Variants in SLC26A7 observed in about 807,000 individuals in gnomAD.
SLC26A7 encodes the protein anion exchange transporter.
SLC26A7 carries 59 observed loss-of-function variants against 82.5 expected under a neutral mutation model. That is an observed-to-expected ratio of 0.72 (90% confidence interval 0.58 to 0.89). The LOEUF (loss-of-function observed/expected upper bound fraction) is 0.89, where lower values mean the gene tolerates loss of function less well. Ranked by LOEUF, SLC26A7 falls within the 40% of genes least tolerant of loss-of-function variation. The probability of loss-of-function intolerance (pLI) is 0.00; values close to 1 mark genes in which losing one functional copy is unlikely to be tolerated. For missense variants in SLC26A7, 820 were observed against 793.0 expected, an observed-to-expected ratio of 1.03 and a Z score of -0.41; for synonymous variants, 271 against 274.3, an observed-to-expected ratio of 0.99 and a Z score of 0.12.
intron 5 of SLC26A7, among the ~76,000 whole-genome samples, chr8:91,320,391 A>G (rs1812758769): frequency 6.6e-6 from 1 of 152,148 alleles, no homozygotes; most frequent in African/African-American, 2.4e-5. Flanking sequence ...CTTTGTGTTG[A>G]TGGAAAATGG....
intron 3 of SLC26A7, among the ~76,000 whole-genome samples, chr8:91,290,167 A>T (rs1029162760): frequency 1.3e-5 from 2 of 152,220 alleles, no homozygotes; most frequent in Non-Finnish European, 2.9e-5. Flanking sequence ...TTAACTAAAA[A>T]TATCTATAGA....
chr8:91,231,971 G>C (rs1483962223), intron 2 of SLC26A7, among the ~76,000 whole-genome samples: 1 of 151,944 alleles, frequency 6.6e-6, no homozygotes, highest in Non-Finnish European at 1.5e-5. Flanking sequence ...TAGAATAGTA[G>C]GTATATGAAA....
chr8:91,270,014 T>A (rs1811225653), intron 2 of SLC26A7, among the ~76,000 whole-genome samples: 1 of 152,168 alleles, frequency 6.6e-6, no homozygotes, highest in East Asian at 1.9e-4. Context: ...TACTTTTTTG[T>A]GATTTTTCTA....
intron 2 of SLC26A7, among the ~76,000 whole-genome samples, chr8:91,239,164 A>G (rs1810432394): frequency 6.6e-6 from 1 of 151,956 alleles, no homozygotes; most frequent in Non-Finnish European, 1.5e-5. Context: ...AGGTCTGGAT[A>G]TCGAGACTAT....
At chr8:91,336,192 T>A (rs1356049710) in intron 6 of SLC26A7, among the ~76,000 whole-genome samples, 1 of 152,062 alleles carries the variant, frequency 6.6e-6, no homozygotes, top group Non-Finnish European at 1.5e-5. Context: ...AACCCCCTAC[T>A]CCCACAGAGC....
Position 91,393,989 on chromosome 8 carries a change from A to T in SLC26A7, c.1885A>T (p.Ile629Phe), listed in dbSNP as rs149495064. The T allele has an allele frequency of 6.2e-7, 1 of 1,613,286 alleles. No homozygotes were observed. The highest frequency in any genetic ancestry group is 8.5e-7 in the Non-Finnish European group (1 of 1,179,428). Residue 629 changes from isoleucine to phenylalanine, a missense_variant, in exon 18 of 19, where the codon ATT becomes TTT. Physicochemically the swap from Ile to Phe is conservative, Grantham distance 21 (BLOSUM62 0). Transcript: ENST00000276609. Reference sequence around the variant, plus strand: ...TGGAAACCTAGACTCAGAGAAACCAATTTTTTTTGAATCGGTATCTGCTGC... The same window carrying T: ...TGGAAACCTAGACTCAGAGAAACCATTTTTTTTTGAATCGGTATCTGCTGC... ...YYGNLDSEKP[I>F]FFESVSAAIS...
At position 91,299,417 on chromosome 8, in the gene SLC26A7, T is replaced by TTTAAA. The variant is rs147506968; in HGVS notation, c.477+3717_477+3718insAATTA. 1.4e-3 allele frequency among the ~76,000 whole-genome samples: 209 copies of TTTAAA among 151,772 alleles called. 2 individuals are homozygous for TTTAAA. The highest frequency in any genetic ancestry group is 5.0e-3 in the African/African-American group (206 of 41,260). Reference sequence around the variant, plus strand: ...ATATTTTTTTTCTAGACTTCCATGATTTATTTTTTTTCTTTTTATATATAC... The same window carrying TTTAAA: ...ATATTTTTTTTCTAGACTTCCATGATTTAAATTATTTTTTTTCTTTTTATATATAC... On this transcript the variant is annotated intron_variant, in intron 4 of 18. Transcript: ENST00000276609.
rs1386380375 is a variant in SLC26A7 at position 91,234,827 on chromosome 8, A to ACCTACCTACTTC, written c.-33-14791_-33-14790insCTACCTACTTCC. Among the ~76,000 whole-genome samples, 408 of 92,486 alleles carry ACCTACCTACTTC rather than the reference A, an allele frequency of 4.4e-3. 2 individuals carry two copies. The highest frequency in any genetic ancestry group is 6.2e-3 in the South Asian group (15 of 2,404). The allele number at this position is 92,486 out of a possible 152,430, so 60.7% of individuals were successfully genotyped here. A position where few individuals can be genotyped will look rare whatever the true frequency, so the allele number is the denominator to read the frequency against. ...TACCTACCTACCTACCTACCTACCT[A>ACCTACCTACTTC]CTTCCTTCCTTCCTTCCTTCCTTCC... On this transcript the variant is annotated intron_variant, in intron 2 of 5. Coordinates refer to the SLC26A7 transcript ENST00000522862.
At chr8:91,235,588 C>T (rs535833024) in intron 2 of SLC26A7, among the ~76,000 whole-genome samples, 2 of 151,872 alleles carry the variant, frequency 1.3e-5, no homozygotes, top group Non-Finnish European at 2.9e-5. Context: ...CTGGGAGCCA[C>T]AGAAATATTT....
chr8:91,360,404 A>G (rs1412755568), intron 11 of SLC26A7, among the ~76,000 whole-genome samples: 2 of 152,172 alleles, frequency 1.3e-5, no homozygotes, highest in Non-Finnish European at 2.9e-5. Context: ...CTAATTCTTG[A>G]TAACTGTGAC....
At chr8:91,251,373 C>G (rs1468300536) in intron 2 of SLC26A7, among the ~76,000 whole-genome samples, 5 of 152,086 alleles carry the variant, frequency 3.3e-5, no homozygotes, top group Non-Finnish European at 7.4e-5. Context: ...ACAACACATA[C>G]TCAGCCCTTG....
In SLC26A7 at chr8:91,389,401, C is replaced by A; in HGVS notation, c.1739C>A (p.Thr580Asn). 1 of 1,613,866 alleles carries A rather than the reference C, an allele frequency of 6.2e-7. No individual in the cohort carries two copies. The highest frequency in any genetic ancestry group is 8.5e-7 in the Non-Finnish European group (1 of 1,179,812). Residue 580 changes from threonine to asparagine, a missense_variant, in exon 16 of 19, where the codon ACC (threonine) becomes AAC (asparagine). Thr to Asn is a moderately conservative substitution (Grantham distance 65). Coordinates refer to ENST00000276609, the MANE Select transcript of SLC26A7 (RefSeq NM_052832.4). Reference sequence around the variant, plus strand: ...TTAATCCTGGATTGCAGTGGATTTACCTTTTTTGACTATTCTGGAGTCTCC... The same window carrying A: ...TTAATCCTGGATTGCAGTGGATTTAACTTTTTTGACTATTCTGGAGTCTCC... ...CYLILDCSGF[T>N]FFDYSGVSML...
chr8:91,212,933 C>G (rs986261522), intron 1 of SLC26A7, among the ~76,000 whole-genome samples: 4 of 152,104 alleles, frequency 2.6e-5, no homozygotes, highest in Admixed American at 2.6e-4. Flanking sequence ...ACTTTTACTC[C>G]TGTGAGAACT....
Position 91,333,616 on chromosome 8 carries a change from TC to T in SLC26A7, c.643-678del, listed in dbSNP as rs377253554. On this transcript the variant is annotated intron_variant, in intron 5 of 18. Coordinates refer to ENST00000276609, the MANE Select transcript of SLC26A7 (RefSeq NM_052832.4). ...CACTCAAAACCCTAAGTCATATACT[TC>T]AGGTGCCCTTTCCATGTCCATAGCA... Among the ~76,000 whole-genome samples, 663 of 152,266 alleles carry T rather than the reference TC, an allele frequency of 4.4e-3. 6 individuals carry two copies. Among genetic ancestry groups the T allele is most frequent in the African/African-American group, 0.015 (607 of 41,570 alleles).
At chr8:91,312,255 G>T (rs752877109) in intron 4 of SLC26A7, among the ~76,000 whole-genome samples, 2 of 152,026 alleles carry the variant, frequency 1.3e-5, no homozygotes, top group Non-Finnish European at 2.9e-5. Context: ...TGTCCTCAAG[G>T]CTCATCCATG....
chr8:91,338,783 G>A (rs1001927461), intron 7 of SLC26A7, among the ~76,000 whole-genome samples: 15 of 152,198 alleles, frequency 9.9e-5, no homozygotes, highest in South Asian at 6.2e-4. Context: ...GCAAAAGTTC[G>A]TACCACATAT....
intron 11 of SLC26A7, among the ~76,000 whole-genome samples, chr8:91,357,670 AG>A (rs1728396622): frequency 6.6e-6 from 1 of 152,210 alleles, no homozygotes; most frequent in South Asian, 2.1e-4. Flanking sequence ...AAGAAAACCT[AG>A]GCAGTACCAT....
At chr8:91,239,395 A>AAAATAT (rs1554600121) in intron 2 of SLC26A7, among the ~76,000 whole-genome samples, 1 of 94,858 alleles carries the variant, frequency 1.1e-5, no homozygotes, top group African/African-American at 3.5e-5. Flanking sequence ...AAAAAAAAAA[A>AAAATAT]ATATATATAT....
chr8:91,358,330 T>G (rs1410546843), intron 11 of SLC26A7, among the ~76,000 whole-genome samples: 1 of 97,120 alleles, frequency 1.0e-5, no homozygotes, highest in African/African-American at 5.4e-5. Flanking sequence ...TTTCTTTTTC[T>G]TTTTTTTTTT....
Sources: gnomAD v4.1 joint callset for allele counts (sites outside exome capture counted in the v4.1 genomes callset) on GRCh38, gnomAD v4.1.1 for gene constraint, MANE v1.5 for transcripts, NCBI Gene and HGNC (gene_info 2026-07-23, HGNC 2026-07-21) for gene names.